Variants in PLXDC2 observed in about 807,000 individuals in gnomAD.
PLXDC2 encodes the protein plexin domain-containing protein 2.
Under a neutral mutation model 68.9 loss-of-function variants are expected in PLXDC2, and 40 were observed. That is an observed-to-expected ratio of 0.58 (90% CI 0.45 to 0.76). The LOEUF (loss-of-function observed/expected upper bound fraction) is 0.76, where lower values mean the gene tolerates loss of function less well. Among genes scored for constraint, PLXDC2 ranks in the 30% least tolerant of loss-of-function variants. PLXDC2 has a pLI of 0.00. For synonymous variants in PLXDC2, 243 were observed against 234.2 expected (o/e 1.04, Z -0.34); for missense variants, 644 against 661.9 (o/e 0.97, Z 0.30).
At chr10:19,915,879 AGAAG>A (rs1272331263) in intron 1 of PLXDC2, among the ~76,000 whole-genome samples, 9 of 152,048 alleles carry the variant, frequency 5.9e-5, no homozygotes, top group Admixed American at 2.6e-4. Context: ...AAGAAGAAGA[AGAAG>A]AAAAAAAACA....
chr10:20,054,731 A>T (rs1240014454), intron 3 of PLXDC2, among the ~76,000 whole-genome samples: 1 of 152,116 alleles, frequency 6.6e-6, no homozygotes, highest in Non-Finnish European at 1.5e-5. Flanking sequence ...GAGGGATAGC[A>T]TTAGGAGATA....
intron 1 of PLXDC2, among the ~76,000 whole-genome samples, chr10:19,822,529 G>T (rs1836488609): frequency 6.6e-6 from 1 of 151,960 alleles, no homozygotes; most frequent in Middle Eastern, 3.2e-3. Flanking sequence ...TTTTATTTTT[G>T]ATTTTTTGAA....
chr10:20,044,896 A>T (rs1157598765), intron 2 of PLXDC2, among the ~76,000 whole-genome samples: 2 of 152,160 alleles, frequency 1.3e-5, no homozygotes, highest in Non-Finnish European at 2.9e-5. Context: ...TCTGATGGTG[A>T]AGCCCAATAT....
chr10:20,248,498 A>G (rs1048156746), intron 13 of PLXDC2, among the ~76,000 whole-genome samples: 3 of 152,184 alleles, frequency 2.0e-5, no homozygotes, highest in African/African-American at 4.8e-5. Context: ...TTCTTTTCAC[A>G]TGTAAGTGAA....
chr10:20,272,883 A>C (rs1248012058), intron 13 of PLXDC2, among the ~76,000 whole-genome samples: 1 of 152,204 alleles, frequency 6.6e-6, no homozygotes, highest in Non-Finnish European at 1.5e-5. Context: ...TGCCTTCCAC[A>C]TGGAAGTTAA....
intron 1 of PLXDC2, among the ~76,000 whole-genome samples, chr10:19,826,175 CT>C (rs1836564963): frequency 6.6e-6 from 1 of 152,190 alleles, no homozygotes; most frequent in African/African-American, 2.4e-5. Flanking sequence ...AACATTCAAC[CT>C]CCTAATTATT....
intron 3 of PLXDC2, among the ~76,000 whole-genome samples, chr10:20,063,087 C>T (rs942119156): frequency 3.3e-5 from 5 of 151,662 alleles, no homozygotes; most frequent in African/African-American, 9.7e-5. Flanking sequence ...AAATATGTGC[C>T]CCTCAAACGT....
chr10:20,238,730 CAT>C (rs1171029751), intron 12 of PLXDC2, among the ~76,000 whole-genome samples: 11 of 123,476 alleles, frequency 8.9e-5, no homozygotes, highest in Admixed American at 1.7e-4. Flanking sequence ...CATATACATA[CAT>C]ATATATATGT....
chr10:20,164,792 G>T (rs1200925247), intron 7 of PLXDC2, among the ~76,000 whole-genome samples: 1 of 152,134 alleles, frequency 6.6e-6, no homozygotes, highest in South Asian at 2.1e-4. Context: ...CCAAAAATGT[G>T]TAATTTTGGA....
chr10:20,201,677 A>G (rs887432135), intron 9 of PLXDC2, among the ~76,000 whole-genome samples: 1 of 152,116 alleles, frequency 6.6e-6, no homozygotes, highest in African/African-American at 2.4e-5. Context: ...TGGATATGCT[A>G]ATTAACCTAA....
chr10:20,036,619 A>G (rs1415084943), intron 2 of PLXDC2, among the ~76,000 whole-genome samples: 3 of 152,110 alleles, frequency 2.0e-5, no homozygotes, highest in Non-Finnish European at 2.9e-5. Flanking sequence ...GGCCCTCCAT[A>G]CCATAGTTGT....
At chr10:20,151,710 A>G (rs982276893) in intron 6 of PLXDC2, among the ~76,000 whole-genome samples, 1 of 152,138 alleles carries the variant, frequency 6.6e-6, no homozygotes. Flanking sequence ...TAGATAAGAG[A>G]GGTATTCCTA....
chr10:20,118,445 A>T (rs1278016942), intron 4 of PLXDC2, among the ~76,000 whole-genome samples: 3 of 152,200 alleles, frequency 2.0e-5, no homozygotes, highest in Non-Finnish European at 4.4e-5. Context: ...AAAGTATCCA[A>T]AGTTTTCATG....
At position 20,289,233 on chromosome 10, in the gene PLXDC2, G is replaced by C. The variant is rs1161278615; in HGVS notation, c.*9414G>C. ...TGTGGAAACTGATACTAGCTAGAGGGAGCTGTAGAAAACAAAGATTTCAGG... is the reference window on the plus strand; with the variant it reads ...TGTGGAAACTGATACTAGCTAGAGGCAGCTGTAGAAAACAAAGATTTCAGG... On this transcript the variant is annotated 3_prime_UTR_variant, in exon 14 of 14. Transcript: ENST00000377252. 1.3e-5 allele frequency: 2 copies of C among 152,130 alleles called. No homozygotes were observed. Among genetic ancestry groups the C allele is most frequent in the Non-Finnish European group, 2.9e-5 (2 of 68,038 alleles). 9.4% of individuals were successfully genotyped at this position (152,130 alleles called of 1,614,324 possible). A position where few individuals can be genotyped will look rare whatever the true frequency, so the allele number is the denominator to read the frequency against.
At chr10:19,856,573 G>A (rs1344127637) in intron 1 of PLXDC2, among the ~76,000 whole-genome samples, 2 of 152,162 alleles carry the variant, frequency 1.3e-5, no homozygotes, top group Admixed American at 6.6e-5. Context: ...ATCACTGTAA[G>A]CGCAGCAAGG....
At chr10:19,955,638 T>C (rs772676120) in intron 1 of PLXDC2, among the ~76,000 whole-genome samples, 1 of 151,972 alleles carries the variant, frequency 6.6e-6, no homozygotes, top group South Asian at 2.1e-4. Flanking sequence ...GTAAAACACA[T>C]ACACAATACC....
chr10:19,984,393 A>T (rs148031884), intron 1 of PLXDC2, among the ~76,000 whole-genome samples: 1 of 152,324 alleles, frequency 6.6e-6, no homozygotes, highest in Non-Finnish European at 1.5e-5. Context: ...CATTGTGTAA[A>T]GTCAAAGTGA....
intron 1 of PLXDC2, among the ~76,000 whole-genome samples, chr10:19,920,536 G>A (rs1833442960): frequency 6.6e-6 from 1 of 152,246 alleles, no homozygotes; most frequent in Non-Finnish European, 1.5e-5. Context: ...GAAGGAGGGG[G>A]AGTTTGGCTG....
chr10:20,194,346 T>A (rs1834809386), intron 9 of PLXDC2, among the ~76,000 whole-genome samples: 1 of 151,868 alleles, frequency 6.6e-6, no homozygotes, highest in South Asian at 2.1e-4. Context: ...TTACTTCAAC[T>A]GGGAATAATC....
Sources: gnomAD v4.1 joint callset for allele counts (sites outside exome capture counted in the v4.1 genomes callset) on GRCh38, gnomAD v4.1.1 for gene constraint, MANE v1.5 for transcripts, NCBI Gene and HGNC (gene_info 2026-07-23, HGNC 2026-07-21) for gene names.